The following ANO4 variants were observed in gnomAD, a reference collection of about 807,000 sequenced individuals.
The protein encoded by ANO4 is anoctamin-4.
Under a neutral mutation model 141.9 loss-of-function variants are expected in ANO4, and 69 were observed. That is an observed-to-expected ratio of 0.49 (90% confidence interval 0.40 to 0.59). The LOEUF is 0.59. ANO4 is among the 20% of genes least tolerant of loss of function. The probability of loss-of-function intolerance (pLI) is 0.00; values close to 1 mark genes in which losing one functional copy is unlikely to be tolerated. For missense variants in ANO4, 894 were observed against 1,162.2 expected, an observed-to-expected ratio of 0.77 and a Z score of 3.36; for synonymous variants, 350 against 394.3, an observed-to-expected ratio of 0.89 and a Z score of 1.33.
At chr12:101,069,784 T>C (rs894928940) in intron 14 of ANO4, among the ~76,000 whole-genome samples, 4 of 152,164 alleles carry the variant, frequency 2.6e-5, no homozygotes, top group Non-Finnish European at 5.9e-5. Flanking sequence ...CTCCTTTTTT[T>C]AAATCGAGAT....
In ANO4 at chr12:100,942,390, G is replaced by C. The variant is rs761925825; in HGVS notation, c.311G>C (p.Arg104Thr). 10 of 1,613,624 alleles carry C rather than the reference G, an allele frequency of 6.2e-6. No homozygotes were observed. The Admixed American group carries it at 1.7e-4, about 27-fold the overall frequency. ...LEAGGETVPE[R>T]NKSNGLYFRD... ...CTTTGTGTGCAGACAGTGCCAGAAAGAAACAAATCAAATGGACTTTACTTT... is the reference window on the plus strand; with the variant it reads ...CTTTGTGTGCAGACAGTGCCAGAAACAAACAAATCAAATGGACTTTACTTT... Residue 104 changes from arginine (R) to threonine (T), a missense_variant, in exon 5 of 28, where the codon AGA becomes ACA. Physicochemically the swap from Arg to Thr is moderately conservative, Grantham distance 71 (BLOSUM62 -1). Transcript: ENST00000392977.
At chr12:100,954,725 C>T (rs1488001949) in intron 5 of ANO4, among the ~76,000 whole-genome samples, 1 of 152,214 alleles carries the variant, frequency 6.6e-6, no homozygotes, top group Non-Finnish European at 1.5e-5. Context: ...TAACACCTGC[C>T]TTTGAGACAG....
At chr12:100,890,378 G>A (rs1320189760) in intron 1 of ANO4, among the ~76,000 whole-genome samples, 1 of 152,124 alleles carries the variant, frequency 6.6e-6, no homozygotes, top group African/African-American at 2.4e-5. Context: ...CTGTTAGTAT[G>A]TCTTATCATT....
chr12:100,837,909 C>T (rs1330533185), intron 1 of ANO4, among the ~76,000 whole-genome samples: 1 of 152,056 alleles, frequency 6.6e-6, no homozygotes, highest in African/African-American at 2.4e-5. Context: ...TTAAATGGTT[C>T]TGTTTCTCAG....
At chr12:100,875,962 TC>T (rs59728314) in intron 1 of ANO4, among the ~76,000 whole-genome samples, 23,191 of 152,048 alleles carry the variant, frequency 0.15, 1,951 homozygotes, top group East Asian at 0.21. Context: ...AATAAACAAA[TC>T]TTAATTTTTA....
intron 2 of ANO4, among the ~76,000 whole-genome samples, chr12:100,914,646 T>A (rs1029975433): frequency 6.6e-6 from 1 of 151,412 alleles, no homozygotes; most frequent in East Asian, 1.9e-4. Flanking sequence ...AAGATGGAAC[T>A]TTTTTTTTCA....
At chr12:100,931,955 AT>A (rs796850047) in intron 3 of ANO4, among the ~76,000 whole-genome samples, 1 of 150,304 alleles carries the variant, frequency 6.7e-6, no homozygotes, top group Admixed American at 6.7e-5. Context: ...AGATATAAAC[AT>A]TTTTTGCATT....
chr12:100,739,579 T>G, intron 2 of ANO4, among the ~76,000 whole-genome samples: 1 of 152,180 alleles, frequency 6.6e-6, no homozygotes, highest in Non-Finnish European at 1.5e-5. Context: ...AAGTAATTTT[T>G]TTTATTATGA....
At chr12:100,846,518 A>G (rs2037567308) in intron 1 of ANO4, among the ~76,000 whole-genome samples, 1 of 152,192 alleles carries the variant, frequency 6.6e-6, no homozygotes, top group South Asian at 2.1e-4. Context: ...GGACTAAAGC[A>G]ATATCCTGAA....
At chr12:101,041,257 A>G (rs993304344) in intron 11 of ANO4, among the ~76,000 whole-genome samples, 1 of 152,242 alleles carries the variant, frequency 6.6e-6, no homozygotes, top group African/African-American at 2.4e-5. Context: ...AGCCCTTATC[A>G]CCAAGTGTTC....
intron 13 of ANO4, among the ~76,000 whole-genome samples, chr12:101,044,237 C>T (rs888440842): frequency 6.6e-6 from 1 of 152,082 alleles, no homozygotes; most frequent in Non-Finnish European, 1.5e-5. Flanking sequence ...CTCTAAAATA[C>T]AGGAAATATG....
At chr12:100,877,206 A>C (rs1214642334) in intron 1 of ANO4, among the ~76,000 whole-genome samples, 1 of 151,994 alleles carries the variant, frequency 6.6e-6, no homozygotes, top group Non-Finnish European at 1.5e-5. Context: ...TCTATTGTAC[A>C]GCATGATGAC....
intron 3 of ANO4, among the ~76,000 whole-genome samples, chr12:100,925,182 A>G (rs2041811635): frequency 6.6e-6 from 1 of 152,048 alleles, no homozygotes; most frequent in Non-Finnish European, 1.5e-5. Flanking sequence ...TTCAGTCTCT[A>G]TTTAGGTTCC....
intron 1 of ANO4, among the ~76,000 whole-genome samples, chr12:100,812,595 A>G (rs550565882): frequency 4.3e-4 from 66 of 152,310 alleles, no homozygotes; most frequent in African/African-American, 1.5e-3. Flanking sequence ...ATTAAATTGC[A>G]TGTCAGAATG....
chr12:100,823,594 G>A (rs4764753), intron 1 of ANO4, among the ~76,000 whole-genome samples: 120,939 of 151,950 alleles, frequency 0.8, 48,264 homozygotes, highest in Admixed American at 0.86. Context: ...CTAAAATCAC[G>A]AGCCAGATGT....
intron 1 of ANO4, among the ~76,000 whole-genome samples, chr12:100,866,046 A>C (rs778682935): frequency 2.0e-5 from 3 of 152,190 alleles, no homozygotes; most frequent in Admixed American, 6.5e-5. Context: ...AGGGGAGCCC[A>C]TTGACAGAGT....
intron 1 of ANO4, among the ~76,000 whole-genome samples, chr12:100,797,834 A>C (rs1199757508): frequency 2.0e-5 from 3 of 152,220 alleles, no homozygotes; most frequent in Non-Finnish European, 4.4e-5. Context: ...ACATGCCTAC[A>C]TGTACACAGA....
rs545368401 is a variant in ANO4, at chr12:101,063,147, C to T, written c.1312+14746C>T. ...CTCTTGGCTAGGGGAGGGAGTTCCC[C>T]GACCCCTTGTGCTTCCTGGGTGAGA... is the stretch of plus-strand genomic sequence containing the variant. On this transcript the variant is annotated intron_variant, in intron 14 of 27. Transcript: ENST00000392977. Among the ~76,000 whole-genome samples, 245 of 152,292 alleles carry T rather than the reference C, an allele frequency of 1.6e-3. 2 individuals carry two copies. The highest frequency in any genetic ancestry group is 2.5e-3 in the Non-Finnish European group (173 of 68,022).
intron 1 of ANO4, among the ~76,000 whole-genome samples, chr12:100,865,045 G>A (rs2038683026): frequency 2.0e-5 from 3 of 152,088 alleles, no homozygotes; most frequent in Non-Finnish European, 2.9e-5. Context: ...TGGGCATTTG[G>A]GTTAGTTCCA....
Sources: allele counts gnomAD v4.1 joint callset (sites outside exome capture counted in the v4.1 genomes callset), GRCh38; gene constraint gnomAD v4.1.1; transcripts MANE v1.5; gene names NCBI Gene and HGNC (gene_info 2026-07-23, HGNC 2026-07-21).